The following CCSER1 variants were observed in gnomAD, a reference collection of about 807,000 sequenced individuals.
CCSER1 encodes serine-rich coiled-coil domain-containing protein 1.
CCSER1 carries 41 observed loss-of-function variants against 82.0 expected under a neutral mutation model. The ratio of observed to expected loss-of-function variants is 0.50; its 90% confidence interval spans 0.39 to 0.65. The LOEUF is 0.65. Ranked by LOEUF, CCSER1 falls within the 30% of genes least tolerant of loss-of-function variation. The pLI is 0.00. For missense variants in CCSER1, 1,119 were observed against 1,064.2 expected (o/e 1.05, Z -0.72); for synonymous variants, 414 against 383.9 (o/e 1.08, Z -0.92).
At chr4:91,093,705 C>G (rs1218601974) in intron 10 of CCSER1, among the ~76,000 whole-genome samples, 1 of 152,192 alleles carries the variant, frequency 6.6e-6, no homozygotes, top group Non-Finnish European at 1.5e-5. Context: ...TTTTCTCTTT[C>G]TGACACATAG....
At chr4:91,177,280 CT>C (rs1385627303) in intron 10 of CCSER1, among the ~76,000 whole-genome samples, 1 of 152,118 alleles carries the variant, frequency 6.6e-6, no homozygotes, top group Non-Finnish European at 1.5e-5. Context: ...CTAAAATTCT[CT>C]TTTTCTGCTG....
chr4:90,955,858 C>T (rs952942098), intron 9 of CCSER1, among the ~76,000 whole-genome samples: 1 of 152,106 alleles, frequency 6.6e-6, no homozygotes, highest in African/African-American at 2.4e-5. Flanking sequence ...TAAATATGTC[C>T]TGCTTCGAAA....
At chr4:90,495,237 C>T (rs920421612) in intron 5 of CCSER1, among the ~76,000 whole-genome samples, 7 of 152,124 alleles carry the variant, frequency 4.6e-5, no homozygotes, top group Admixed American at 4.6e-4. Context: ...GTCCTCAAAA[C>T]CAACCTTGTT....
At chr4:90,506,222 G>T (rs1411607268) in intron 5 of CCSER1, among the ~76,000 whole-genome samples, 1 of 152,046 alleles carries the variant, frequency 6.6e-6, no homozygotes, top group East Asian at 1.9e-4. Context: ...ATTAAGTAAA[G>T]CCAATGATTA....
chr4:91,027,856 G>T (rs1740628568), intron 9 of CCSER1, among the ~76,000 whole-genome samples: 1 of 152,030 alleles, frequency 6.6e-6, no homozygotes, highest in East Asian at 1.9e-4. Context: ...AAGCCAAATT[G>T]TGCAGAGGGA....
intron 10 of CCSER1, among the ~76,000 whole-genome samples, chr4:91,440,475 T>C (rs1408800740): frequency 2.0e-5 from 3 of 152,196 alleles, no homozygotes; most frequent in African/African-American, 4.8e-5. Flanking sequence ...AAGCAGTGTG[T>C]AGAGGGAAAT....
At chr4:91,101,153 C>T (rs764901227) in intron 10 of CCSER1, among the ~76,000 whole-genome samples, 3 of 152,286 alleles carry the variant, frequency 2.0e-5, no homozygotes, top group South Asian at 2.1e-4. Context: ...TACATAGACA[C>T]GCACATGCAT....
chr4:90,483,709 C>T (rs1766482657), intron 5 of CCSER1, among the ~76,000 whole-genome samples: 1 of 152,226 alleles, frequency 6.6e-6, no homozygotes, highest in African/African-American at 2.4e-5. Flanking sequence ...CCCCCACTCT[C>T]TTCTGGCTTG....
At chr4:90,827,470 G>A (rs1233191868) in intron 8 of CCSER1, among the ~76,000 whole-genome samples, 1 of 152,070 alleles carries the variant, frequency 6.6e-6, no homozygotes, top group East Asian at 1.9e-4. Flanking sequence ...ACTGGGTAAT[G>A]ATAACAAAAC....
intron 9 of CCSER1, among the ~76,000 whole-genome samples, chr4:90,965,259 T>C (rs1734449447): frequency 6.6e-6 from 1 of 152,068 alleles, no homozygotes; most frequent in Non-Finnish European, 1.5e-5. Flanking sequence ...ATCTGGGAGA[T>C]GATATGTCTA....
chr4:90,185,245 A>G (rs972504570), intron 1 of CCSER1, among the ~76,000 whole-genome samples: 2 of 152,162 alleles, frequency 1.3e-5, no homozygotes, highest in East Asian at 3.9e-4. Context: ...CATTCATTCA[A>G]CAGATGCCTT....
chr4:91,212,575 G>A (rs1483610910), intron 10 of CCSER1, among the ~76,000 whole-genome samples: 1 of 152,202 alleles, frequency 6.6e-6, no homozygotes, highest in Middle Eastern at 3.4e-3. Flanking sequence ...AGGGAAAAAT[G>A]TAGAATTAAA....
chr4:90,256,058 G>A (rs1723226772), intron 1 of CCSER1, among the ~76,000 whole-genome samples: 1 of 152,106 alleles, frequency 6.6e-6, no homozygotes, highest in South Asian at 2.1e-4. Flanking sequence ...GTATCCAGAA[G>A]TATGCCAAAA....
At chr4:90,803,717 G>C (rs1232314705) in intron 7 of CCSER1, among the ~76,000 whole-genome samples, 1 of 152,066 alleles carries the variant, frequency 6.6e-6, no homozygotes, top group East Asian at 1.9e-4. Context: ...AATCCCTTGG[G>C]TATATATCTG....
At chr4:90,608,756 T>A (rs7435719) in intron 5 of CCSER1, among the ~76,000 whole-genome samples, 64,202 of 151,930 alleles carry the variant, frequency 0.42, 15,115 homozygotes, top group African/African-American at 0.63. Flanking sequence ...ACTTCTTATT[T>A]TGCCTTTCCA....
chr4:91,390,110 T>A (rs2149348579), intron 10 of CCSER1, among the ~76,000 whole-genome samples: 1 of 152,186 alleles, frequency 6.6e-6, no homozygotes, highest in African/African-American at 2.4e-5. Flanking sequence ...TTTCTGATCT[T>A]ACTGAGAAAA....
chr4:91,333,718 CTGTATT>C (rs1238444591), intron 10 of CCSER1, among the ~76,000 whole-genome samples: 2 of 151,932 alleles, frequency 1.3e-5, no homozygotes, highest in Non-Finnish European at 2.9e-5. Flanking sequence ...AAAATACAGT[CTGTATT>C]TGTATAATCC....
At chr4:90,496,170 A>G (rs771543447) in intron 5 of CCSER1, among the ~76,000 whole-genome samples, 26 of 152,202 alleles carry the variant, frequency 1.7e-4, no homozygotes, top group Non-Finnish European at 3.4e-4. Context: ...TTGAAGTCAC[A>G]ACAATTAAAG....
chr4:90,799,200 G>A lies in CCSER1; in HGVS notation c.2011-16562G>A, dbSNP rs538436093. Among the ~76,000 whole-genome samples the A allele has an allele frequency of 1.1e-4, 16 of 152,260 alleles. No homozygotes were observed. The East Asian group carries it at 1.6e-3, about 15-fold the overall frequency. On this transcript the variant is annotated intron_variant, in intron 7 of 10. Coordinates refer to ENST00000509176, the MANE Select transcript of CCSER1 (RefSeq NM_001145065.2). ...GGTCTGGGTGTCTTCTCTGTGTCCC[G>A]GAAGGTGGAGTGGTCACTCAGTACG... is the stretch of plus-strand genomic sequence containing the variant.
Sources: gnomAD v4.1 joint callset for allele counts (sites outside exome capture counted in the v4.1 genomes callset) on GRCh38, gnomAD v4.1.1 for gene constraint, MANE v1.5 for transcripts, NCBI Gene and HGNC (gene_info 2026-07-23, HGNC 2026-07-21) for gene names.